Variants in SPON1 observed in about 807,000 individuals in gnomAD.
SPON1 encodes spondin 1.
A neutral mutation model predicts 111.7 loss-of-function variants in SPON1; 52 were observed. The ratio of observed to expected loss-of-function variants is 0.47; its 90% CI spans 0.37 to 0.59. The LOEUF (loss-of-function observed/expected upper bound fraction) is 0.59, where lower values mean the gene tolerates loss of function less well. SPON1 is among the 20% of genes least tolerant of loss of function. The pLI is 0.00. For synonymous variants in SPON1, 410 were observed against 395.8 expected, an observed-to-expected ratio of 1.04 and a Z score of -0.43; for missense variants, 957 against 1,068.5, an observed-to-expected ratio of 0.90 and a Z score of 1.46.
chr11:13,967,000 T>A (rs1848022976), intron 1 of SPON1, among the ~76,000 whole-genome samples: 1 of 152,234 alleles, frequency 6.6e-6, no homozygotes, highest in Admixed American at 6.5e-5. Context: ...GATAAGATAT[T>A]GTGTTAAGTT....
intron 5 of SPON1, among the ~76,000 whole-genome samples, chr11:14,099,268 G>C (rs1211212079): frequency 5.9e-5 from 9 of 152,158 alleles, no homozygotes; most frequent in African/African-American, 1.9e-4. Flanking sequence ...ACCCGTGTTA[G>C]CTTTATCTAA....
At chr11:14,018,826 G>A (rs782577744) in intron 2 of SPON1, among the ~76,000 whole-genome samples, 1 of 152,216 alleles carries the variant, frequency 6.6e-6, no homozygotes, top group Non-Finnish European at 1.5e-5. Flanking sequence ...GGCAAGTTCA[G>A]TGGGCTGGAG....
At chr11:14,163,369 C>G (rs565616390) in intron 6 of SPON1, among the ~76,000 whole-genome samples, 1 of 152,318 alleles carries the variant, frequency 6.6e-6, no homozygotes, top group East Asian at 1.9e-4. Flanking sequence ...GTACCACACA[C>G]TAAGTGCATC....
rs1210965870 is a variant in SPON1 at position 14,092,861 on chromosome 11, C to G, written c.676+12840C>G. 2.0e-5 allele frequency among the ~76,000 whole-genome samples: 3 copies of G among 152,108 alleles called. No individual in the cohort carries two copies. The East Asian group carries it at 5.8e-4, about 29-fold the overall frequency. Reference sequence around the variant, plus strand: ...AAGTTACAGACTCAGATGACATAGCCACAGAGTGTCCGAAACAAAATCAAA... The same window carrying G: ...AAGTTACAGACTCAGATGACATAGCGACAGAGTGTCCGAAACAAAATCAAA... On this transcript the variant is annotated intron_variant, in intron 5 of 15. Transcript: ENST00000576479.
intron 6 of SPON1, among the ~76,000 whole-genome samples, chr11:14,156,526 T>G (rs1454960285): frequency 6.6e-6 from 1 of 151,006 alleles, no homozygotes; most frequent in Non-Finnish European, 1.5e-5. Context: ...ATTTTGGCTT[T>G]TGTTGCCATT....
At chr11:14,105,068 T>C (rs1198264151) in intron 5 of SPON1, among the ~76,000 whole-genome samples, 2 of 152,168 alleles carry the variant, frequency 1.3e-5, no homozygotes, top group Non-Finnish European at 2.9e-5. Flanking sequence ...TTCAGTTATT[T>C]TTAGTGGATC....
intron 1 of SPON1, among the ~76,000 whole-genome samples, chr11:13,980,470 G>A (rs1554909502): frequency 6.6e-6 from 1 of 152,088 alleles, no homozygotes; most frequent in African/African-American, 2.4e-5. Flanking sequence ...GTGTCATTCT[G>A]TTGGTGGCTC....
At chr11:14,177,469 C>T (rs376830135) in intron 6 of SPON1, among the ~76,000 whole-genome samples, 3 of 152,208 alleles carry the variant, frequency 2.0e-5, no homozygotes, top group Non-Finnish European at 4.4e-5. Context: ...GTGGGGGCCA[C>T]AAGATCAATG....
At chr11:14,124,371 C>T (rs1175246146) in intron 5 of SPON1, among the ~76,000 whole-genome samples, 1 of 152,244 alleles carries the variant, frequency 6.6e-6, no homozygotes, top group African/African-American at 2.4e-5. Context: ...CTGCCATCTC[C>T]TCCAGGACAC....
chr11:14,039,538 G>GT (rs1554917059), intron 2 of SPON1, among the ~76,000 whole-genome samples: 1 of 151,706 alleles, frequency 6.6e-6, no homozygotes, highest in East Asian at 1.9e-4. Flanking sequence ...ATTTATTAAT[G>GT]TTTTTTTAAA....
chr11:14,094,600 T>G (rs936463820), intron 5 of SPON1, among the ~76,000 whole-genome samples: 26 of 152,248 alleles, frequency 1.7e-4, no homozygotes. Flanking sequence ...GGTGTTGGCA[T>G]GAATCAAGTC....
intron 2 of SPON1, among the ~76,000 whole-genome samples, chr11:14,032,456 A>C (rs1591356776): frequency 6.6e-6 from 1 of 152,098 alleles, no homozygotes; most frequent in Non-Finnish European, 1.5e-5. Flanking sequence ...CCCTCTGGGG[A>C]TGTGGGCCAC....
At chr11:14,200,393 T>C (rs544721631) in intron 6 of SPON1, among the ~76,000 whole-genome samples, 1 of 152,254 alleles carries the variant, frequency 6.6e-6, no homozygotes, top group Non-Finnish European at 1.5e-5. Context: ...TGTGATCATT[T>C]TCTTTCCATC....
At chr11:14,159,521 T>C (rs181858144) in intron 6 of SPON1, among the ~76,000 whole-genome samples, 66 of 152,164 alleles carry the variant, frequency 4.3e-4, no homozygotes, top group African/African-American at 1.5e-3. Flanking sequence ...GATTCAGCAA[T>C]CCCACTGCTG....
At chr11:14,217,606 C>T (rs1417855774) in intron 6 of SPON1, among the ~76,000 whole-genome samples, 1 of 151,212 alleles carries the variant, frequency 6.6e-6, no homozygotes, top group Non-Finnish European at 1.5e-5. Flanking sequence ...AGAAAAAACA[C>T]TTTTATTGAA....
intron 2 of SPON1, among the ~76,000 whole-genome samples, chr11:14,009,330 A>G (rs974590691): frequency 1.3e-5 from 2 of 152,164 alleles, no homozygotes; most frequent in Non-Finnish European, 2.9e-5. Context: ...CCTGAGCTCT[A>G]GACACATTGG....
intron 5 of SPON1, among the ~76,000 whole-genome samples, chr11:14,125,469 A>C (rs1341820207): frequency 6.6e-6 from 1 of 152,194 alleles, no homozygotes; most frequent in African/African-American, 2.4e-5. Flanking sequence ...ATATATAACT[A>C]CTATAGCAGA....
intron 1 of SPON1, among the ~76,000 whole-genome samples, chr11:13,964,779 C>T (rs1369988348): frequency 6.6e-6 from 1 of 152,166 alleles, no homozygotes; most frequent in Non-Finnish European, 1.5e-5. Context: ...GCGGCCGATC[C>T]TCCCTGTGGA....
At chr11:14,121,372 C>G (rs1554926493) in intron 5 of SPON1, among the ~76,000 whole-genome samples, 1 of 152,092 alleles carries the variant, frequency 6.6e-6, no homozygotes, top group Non-Finnish European at 1.5e-5. Context: ...GAATGCCCCC[C>G]AGCAATTGTT....
Sources: allele counts gnomAD v4.1 joint callset (sites outside exome capture counted in the v4.1 genomes callset), GRCh38; gene constraint gnomAD v4.1.1; transcripts MANE v1.5; gene names NCBI Gene and HGNC (gene_info 2026-07-23, HGNC 2026-07-21).